The following CASZ1 variants were observed in gnomAD, a reference collection of about 807,000 sequenced individuals.
The protein encoded by CASZ1 is zinc finger protein castor homolog 1.
A neutral mutation model predicts 135.2 loss-of-function variants in CASZ1; 28 were observed. That is an observed-to-expected ratio of 0.21 (90% CI 0.15 to 0.28). The LOEUF is 0.28. Among genes scored for constraint, CASZ1 ranks in the 10% least tolerant of loss-of-function variants. The probability of loss-of-function intolerance (pLI) is 1.00; values close to 1 mark genes in which losing one functional copy is unlikely to be tolerated. For synonymous variants in CASZ1, 1,068 were observed against 1,073.4 expected (o/e 0.99, Z 0.10); for missense variants, 2,161 against 2,453.3 (o/e 0.88, Z 2.52).
At chr1:10,786,877 C>G (rs1216049961) in intron 1 of CASZ1, among the ~76,000 whole-genome samples, 1 of 152,078 alleles carries the variant, frequency 6.6e-6, no homozygotes, top group Admixed American at 6.5e-5. Flanking sequence ...ATAACAGAAC[C>G]AACCTGCAAC....
At chr1:10,713,894 A>G (rs746591639) in intron 2 of CASZ1, among the ~76,000 whole-genome samples, 20 of 152,222 alleles carry the variant, frequency 1.3e-4, no homozygotes, top group Admixed American at 3.9e-4. Context: ...GAGCTCCACC[A>G]CCGTCTGACC....
chr1:10,737,801 C>T (rs1210788686), intron 2 of CASZ1, among the ~76,000 whole-genome samples: 1 of 152,226 alleles, frequency 6.6e-6, no homozygotes, highest in Non-Finnish European at 1.5e-5. Flanking sequence ...GCTCGGAGGG[C>T]TGTGGATCAG....
chr1:10,776,564 G>A lies in CASZ1; in HGVS notation c.-233-15707C>T, dbSNP rs1640664554. On this transcript the variant is annotated intron_variant, in intron 1 of 20. Coordinates refer to ENST00000377022, the MANE Select transcript of CASZ1 (RefSeq NM_001079843.3). The surrounding 1 kb of genome is among the most constrained non-coding windows in gnomAD (Gnocchi z 4.1). ...CAGACAGGCAGTGATCGATAAGCAG[G>A]TGCATGGGGCATGGGTTGGGGGCAC... 1.3e-5 allele frequency among the ~76,000 whole-genome samples: 2 copies of A among 152,232 alleles called. No homozygotes were observed. The highest frequency in any genetic ancestry group is 1.5e-5 in the Non-Finnish European group (1 of 68,042).
chr1:10,698,482 T>C (rs1397084046), intron 3 of CASZ1, among the ~76,000 whole-genome samples: 1 of 152,168 alleles, frequency 6.6e-6, no homozygotes, highest in African/African-American at 2.4e-5. Context: ...GAGATTTTAA[T>C]TACTAAATTA....
rs576250227 is a variant in CASZ1, at chr1:10,692,521, C to T, written c.16+1353G>A. On this transcript the variant is annotated intron_variant, in intron 4 of 20. Transcript: ENST00000377022. Reference sequence around the variant, plus strand: ...GGGCAGGGAGGGGCAGGGTGGCAGCCTTGGCCTTAGACACCTTTACCACTT... The same window carrying T: ...GGGCAGGGAGGGGCAGGGTGGCAGCTTTGGCCTTAGACACCTTTACCACTT... Among the ~76,000 whole-genome samples the T allele has an allele frequency of 8.4e-4, 128 of 152,312 alleles. 2 individuals are homozygous for T. Among genetic ancestry groups the T allele is most frequent in the African/African-American group, 3.0e-3 (124 of 41,566 alleles).
chr1:10,772,393 G>A (rs1640592137), intron 1 of CASZ1, among the ~76,000 whole-genome samples: 1 of 152,234 alleles, frequency 6.6e-6, no homozygotes, highest in African/African-American at 2.4e-5. Flanking sequence ...CCAGCTTCAG[G>A]AGAGGAAGCA....
At chr1:10,669,754 G>C (rs1643346801) in intron 4 of CASZ1, among the ~76,000 whole-genome samples, 1 of 151,198 alleles carries the variant, frequency 6.6e-6, no homozygotes, top group Admixed American at 6.6e-5. Flanking sequence ...TGCTTGTCCT[G>C]CCTCAACGGT....
intron 3 of CASZ1, among the ~76,000 whole-genome samples, chr1:10,696,574 G>A (rs750276534): frequency 6.6e-6 from 1 of 152,216 alleles, no homozygotes; most frequent in African/African-American, 2.4e-5. Context: ...GCAAGGCATC[G>A]TAACAAAAGG....
At chr1:10,665,651 C>G in intron 4 of CASZ1, 80 bp from the exon 5 acceptor site, 1 of 1,413,660 alleles carries the variant, frequency 7.1e-7, no homozygotes, top group Non-Finnish European at 9.3e-7. Flanking sequence ...GCCCTGCATC[C>G]CCCAAGCTGC....
Position 10,784,429 on chromosome 1 carries a change from G to A in CASZ1, c.-234+12135C>T, listed in dbSNP as rs528752435. 5.3e-5 allele frequency among the ~76,000 whole-genome samples: 8 copies of A among 152,358 alleles called. No individual in the cohort carries two copies. In the South Asian group the frequency reaches 1.2e-3, roughly 24 times the overall value. On this transcript the variant is annotated intron_variant, in intron 1 of 20. Coordinates refer to ENST00000377022, the MANE Select transcript of CASZ1 (RefSeq NM_001079843.3). Reference sequence around the variant, plus strand: ...GTGGCTGTGGGGCAGCTGAAATGTGGCTCGTTCAAGGAAGAACCAAATTTT... The same window carrying A: ...GTGGCTGTGGGGCAGCTGAAATGTGACTCGTTCAAGGAAGAACCAAATTTT...
intron 1 of CASZ1, among the ~76,000 whole-genome samples, chr1:10,785,049 T>TGC (rs1640830957): frequency 1.8e-5 from 1 of 54,716 alleles, no homozygotes; most frequent in African/African-American, 6.6e-5. Flanking sequence ...CTTGCTTGCT[T>TGC]TCTTTCTGTC....
intron 2 of CASZ1, among the ~76,000 whole-genome samples, chr1:10,718,129 GC>G (rs1003541853): frequency 2.6e-5 from 4 of 152,218 alleles, no homozygotes; most frequent in African/African-American, 9.6e-5. Context: ...CCCAGCTGGG[GC>G]CCCAGCCCAG....
chr1:10,693,367 G>A (rs1450918791), intron 4 of CASZ1, among the ~76,000 whole-genome samples: 3 of 151,896 alleles, frequency 2.0e-5, no homozygotes, highest in East Asian at 3.9e-4. Context: ...TTTACCTTGA[G>A]ACAGTCGCCC....
chr1:10,780,151 G>A (rs983376968), intron 1 of CASZ1, among the ~76,000 whole-genome samples: 27 of 152,178 alleles, frequency 1.8e-4, no homozygotes, highest in African/African-American at 5.8e-4. Context: ...CCACGACAAC[G>A]CTCTGCTCTC....
Position 10,654,222 on chromosome 1 carries a change from G to T in CASZ1, c.1839-4C>A. On this transcript the variant is annotated splice_region_variant and splice_polypyrimidine_tract_variant and intron_variant, in intron 10 of 20. Coordinates refer to ENST00000377022, the MANE Select transcript of CASZ1 (RefSeq NM_001079843.3). Reference sequence around the variant, plus strand: ...AGTGAATGTGCAGCCGGGGCGCCTGGATGGGACATTGGGAGCCTGTCATGA... The same window carrying T: ...AGTGAATGTGCAGCCGGGGCGCCTGTATGGGACATTGGGAGCCTGTCATGA... 1 of 1,613,664 alleles carries T rather than the reference G, an allele frequency of 6.2e-7. No individual in the cohort carries two copies. Among genetic ancestry groups the T allele is most frequent in the South Asian group, 1.1e-5 (1 of 91,048 alleles).
chr1:10,718,402 C>A (rs1298050029), intron 2 of CASZ1, among the ~76,000 whole-genome samples: 1 of 152,250 alleles, frequency 6.6e-6, no homozygotes, highest in Admixed American at 6.5e-5. Context: ...CAGCTACAAT[C>A]ATATTAAACC....
chr1:10,784,722 C>A (rs1033590583), intron 1 of CASZ1, among the ~76,000 whole-genome samples: 32 of 152,262 alleles, frequency 2.1e-4, no homozygotes, highest in African/African-American at 7.0e-4. Context: ...CACCACCATA[C>A]CCGGCTAATT....
intron 1 of CASZ1, among the ~76,000 whole-genome samples, chr1:10,773,363 G>A (rs909322193): frequency 2.6e-5 from 4 of 151,418 alleles, no homozygotes; most frequent in Admixed American, 2.0e-4. Context: ...AGAGACAGAC[G>A]TGGGCAGAGA....
chr1:10,679,273 C>T lies in CASZ1; in HGVS notation c.17-13702G>A, dbSNP rs930015910. Among the ~76,000 whole-genome samples, 1 of 152,204 alleles carries T rather than the reference C, an allele frequency of 6.6e-6. No homozygotes were observed. The highest frequency in any genetic ancestry group is 1.5e-5 in the Non-Finnish European group (1 of 68,022). On this transcript the variant is annotated intron_variant, in intron 4 of 20. Transcript: ENST00000377022. The surrounding 1 kb of genome is among the most constrained non-coding windows in gnomAD (Gnocchi z 4.7). ...GCTGCCTCCAGGACAGAGCCTAGTCCCAAACCTGAGGCAGACAGGTCTCCT... is the reference window on the plus strand; with the variant it reads ...GCTGCCTCCAGGACAGAGCCTAGTCTCAAACCTGAGGCAGACAGGTCTCCT...
Sources: gnomAD v4.1 joint callset for allele counts (sites outside exome capture counted in the v4.1 genomes callset) on GRCh38, gnomAD v4.1.1 for gene constraint, Gnocchi (gnomAD v3.1) non-coding constraint, MANE v1.5 for transcripts, NCBI Gene and HGNC (gene_info 2026-07-23, HGNC 2026-07-21) for gene names.